The following FGFR2 variants were observed in gnomAD, a reference collection of about 807,000 sequenced individuals.
FGFR2 encodes the protein fibroblast growth factor receptor 2, also known as BEK fibroblast growth factor receptor.
A neutral mutation model predicts 95.9 loss-of-function variants in FGFR2; 19 were observed. The ratio of observed to expected loss-of-function variants is 0.20; its 90% CI spans 0.14 to 0.29. The LOEUF is 0.29. Among genes scored for constraint, FGFR2 ranks in the 10% least tolerant of loss-of-function variants. The pLI is 1.00. For missense variants in FGFR2, 707 were observed against 1,056.9 expected (o/e 0.67, Z 4.59); for synonymous variants, 392 against 393.3 (o/e 1.00, Z 0.04).
intron 2 of FGFR2, among the ~76,000 whole-genome samples, chr10:121,573,406 C>T (rs552095184): frequency 2.0e-5 from 3 of 152,246 alleles, no homozygotes; most frequent in Admixed American, 6.5e-5. Flanking sequence ...GCGGTGGGGT[C>T]GTCCTGGAAC....
intron 8 of FGFR2, 115 bp from the exon 9 acceptor site, chr10:121,515,434 C>A: frequency 9.6e-7 from 1 of 1,046,494 alleles, no homozygotes. Context: ...ATTCTCAAGG[C>A]AAGGTGGGCT....
chr10:121,550,679 A>T (rs567555406), intron 5 of FGFR2, among the ~76,000 whole-genome samples: 1 of 151,900 alleles, frequency 6.6e-6, no homozygotes, highest in African/African-American at 2.4e-5. Flanking sequence ...CAAACTCCAC[A>T]CCCGTTTTAG....
At chr10:121,516,848 C>T (rs556212212) in intron 8 of FGFR2, among the ~76,000 whole-genome samples, 50 of 152,212 alleles carry the variant, frequency 3.3e-4, no homozygotes, top group Non-Finnish European at 5.6e-4. Flanking sequence ...TTCTGTGCAT[C>T]TGACATTCAG....
At chr10:121,573,204 G>A (rs906413188) in intron 2 of FGFR2, among the ~76,000 whole-genome samples, 1 of 152,182 alleles carries the variant, frequency 6.6e-6, no homozygotes, top group East Asian at 1.9e-4. Flanking sequence ...GAGAACAGAT[G>A]GGAAACCTGA....
intron 2 of FGFR2, among the ~76,000 whole-genome samples, chr10:121,582,730 C>T (rs1214584914): frequency 6.6e-6 from 1 of 152,102 alleles, no homozygotes; most frequent in African/African-American, 2.4e-5. Context: ...TTGCAGTGAT[C>T]CAAGATCGCA....
At chr10:121,509,482 C>CTTTTTTTTTTTTTTT (rs67778522) in intron 9 of FGFR2, among the ~76,000 whole-genome samples, 1 of 45,352 alleles carries the variant, frequency 2.2e-5, no homozygotes, top group African/African-American at 8.7e-5. Flanking sequence ...TGTTTCTTTT[C>CTTTTTTTTTTTTTTT]TTTTTTTTTT....
intron 5 of FGFR2, among the ~76,000 whole-genome samples, chr10:121,550,175 T>C (rs1365930704): frequency 6.6e-6 from 1 of 152,216 alleles, no homozygotes; most frequent in Non-Finnish European, 1.5e-5. Context: ...CTCCTTATTC[T>C]TCCAAACGCC....
At chr10:121,498,332 T>A (rs1847147147) in intron 12 of FGFR2, among the ~76,000 whole-genome samples, 163 bp downstream of exon 12, 1 of 152,190 alleles carries the variant, frequency 6.6e-6, no homozygotes, top group Non-Finnish European at 1.5e-5. Context: ...AGACCCTTCT[T>A]TGTGTTCATG....
chr10:121,487,777 T>C (rs1198581519), intron 14 of FGFR2, among the ~76,000 whole-genome samples: 3 of 152,258 alleles, frequency 2.0e-5, no homozygotes, highest in Non-Finnish European at 4.4e-5. Flanking sequence ...GATTATTCTG[T>C]ATATAAGTGT....
At chr10:121,551,190 A>G (rs1855352078) in intron 5 of FGFR2, 100 bp downstream of exon 5, 1 of 1,390,918 alleles carries the variant, frequency 7.2e-7, no homozygotes, top group Non-Finnish European at 1.0e-6. Flanking sequence ...ACGGCACTCC[A>G]GCCTGGGCGA....
At chr10:121,563,407 G>A (rs79106841) in intron 4 of FGFR2, among the ~76,000 whole-genome samples, 1,688 of 152,148 alleles carry the variant, frequency 0.011, 39 homozygotes, top group African/African-American at 0.038. Context: ...TAAATTAGCC[G>A]GGTGTGGTAT....
chr10:121,510,466 T>C (rs1264396632), intron 9 of FGFR2, among the ~76,000 whole-genome samples: 1 of 152,136 alleles, frequency 6.6e-6, no homozygotes, highest in East Asian at 1.9e-4. Flanking sequence ...TACCCAAATG[T>C]TTTCTGGAGC....
intron 2 of FGFR2, among the ~76,000 whole-genome samples, chr10:121,589,666 ATAAG>A (rs1169959175): frequency 6.6e-6 from 1 of 152,220 alleles, no homozygotes; most frequent in Non-Finnish European, 1.5e-5. Context: ...TTTCTGCTCT[ATAAG>A]TAATATTAAA....
At chr10:121,553,307 T>G (rs1342127355) in intron 4 of FGFR2, among the ~76,000 whole-genome samples, 3 of 152,176 alleles carry the variant, frequency 2.0e-5, no homozygotes, top group Non-Finnish European at 4.4e-5. Context: ...TTGAATCCAG[T>G]TGCATTTGCA....
rs1041449382 is a variant in FGFR2, at chr10:121,531,464, C to T, written c.748+7128G>A. ...GCTACCAAAGGAAGTTTTGAAATCT[C>T]TATCCTGGAGGAAAGGACAGGACTG... On this transcript the variant is annotated intron_variant, in intron 6 of 17. Transcript: ENST00000358487. This position sits in a 1 kb window ranked among gnomAD's most constrained non-coding sequence, Gnocchi z 4.5. 8.5e-5 allele frequency: 13 copies of T among 152,192 alleles called. No individual in the cohort carries two copies. The highest frequency in any genetic ancestry group is 3.1e-4 in the African/African-American group (13 of 41,436). The allele number at this position is 152,192 out of a possible 1,614,324, so 9.4% of individuals were successfully genotyped here.
At chr10:121,507,836 T>C (rs1487630516) in intron 9 of FGFR2, among the ~76,000 whole-genome samples, 3 of 152,200 alleles carry the variant, frequency 2.0e-5, no homozygotes, top group Non-Finnish European at 4.4e-5. Flanking sequence ...AGGGTGGTTC[T>C]GTGTGTAAGA....
At chr10:121,498,389 G>C in intron 12 of FGFR2, 106 bp downstream of exon 12, 1 of 778,188 alleles carries the variant, frequency 1.3e-6, no homozygotes, top group South Asian at 1.4e-5. Flanking sequence ...CTTTAAACAT[G>C]CACACAGGGT....
chr10:121,534,193 C>T (rs529563442), intron 6 of FGFR2, among the ~76,000 whole-genome samples: 3 of 146,848 alleles, frequency 2.0e-5, no homozygotes, highest in Admixed American at 7.0e-5. Context: ...CTGCCTCCTG[C>T]GTTCAAGCGA....
chr10:121,508,371 G>A (rs1848596396), intron 9 of FGFR2, among the ~76,000 whole-genome samples: 1 of 152,150 alleles, frequency 6.6e-6, no homozygotes, highest in Non-Finnish European at 1.5e-5. Context: ...GAGGAAAACT[G>A]GACAGTAAGA....
Sources: allele counts gnomAD v4.1 joint callset (sites outside exome capture counted in the v4.1 genomes callset), GRCh38; gene constraint gnomAD v4.1.1; non-coding constraint Gnocchi (gnomAD v3.1); transcripts MANE v1.5; gene names NCBI Gene and HGNC (gene_info 2026-07-23, HGNC 2026-07-21).